DLGAP2: variants seen among roughly 807,000 people sequenced by gnomAD.
DLGAP2 encodes DLG associated protein 2, also known as disks large-associated protein 2.
In DLGAP2, 26 loss-of-function variants were observed where a neutral mutation model predicts 100.3. The ratio of observed to expected loss-of-function variants is 0.26; its 90% CI spans 0.19 to 0.36. The LOEUF (loss-of-function observed/expected upper bound fraction) is 0.36, where lower values mean the gene tolerates loss of function less well. Among genes scored for constraint, DLGAP2 ranks in the 10% least tolerant of loss-of-function variants. DLGAP2 has a pLI of 1.00. For synonymous variants in DLGAP2, 886 were observed against 630.1 expected, an observed-to-expected ratio of 1.41 and a Z score of -6.08; for missense variants, 1,858 against 1,453.2, an observed-to-expected ratio of 1.28 and a Z score of -4.53.
chr8:1,467,965 G>A (rs1798672081), intron 3 of DLGAP2, among the ~76,000 whole-genome samples: 1 of 152,220 alleles, frequency 6.6e-6, no homozygotes, highest in African/African-American at 2.4e-5. Context: ...TTTGAAAAGT[G>A]TTACCCAGCT....
chr8:1,387,753 AC>A (rs1796253109), intron 3 of DLGAP2, among the ~76,000 whole-genome samples: 1 of 152,164 alleles, frequency 6.6e-6, no homozygotes, highest in Non-Finnish European at 1.5e-5. Context: ...AGGAATGGCA[AC>A]CAGATTTTTC....
At chr8:1,647,411 C>A (rs1798064723) in intron 8 of DLGAP2, among the ~76,000 whole-genome samples, 1 of 142,596 alleles carries the variant, frequency 7.0e-6, no homozygotes, top group Non-Finnish European at 1.5e-5. Context: ...ATGGAGTGAA[C>A]CCGGGAGGCA....
At chr8:1,074,050 CTGT>C (rs1803521448) in intron 2 of DLGAP2, among the ~76,000 whole-genome samples, 2 of 141,058 alleles carry the variant, frequency 1.4e-5, no homozygotes, top group Non-Finnish European at 1.5e-5. Flanking sequence ...TCAGGATTCA[CTGT>C]CACAGAAGGG....
In DLGAP2 at chr8:1,182,722, A is replaced by C. The variant is rs1470482138; in HGVS notation, c.74-76129A>C. On this transcript the variant is annotated intron_variant, in intron 2 of 14. Transcript: ENST00000637795. Reference sequence around the variant, plus strand: ...CTGCCATCACGTCTGCGCTGCCCTGAGACACGGAGCTCCAGCACATTCTGC... The same window carrying C: ...CTGCCATCACGTCTGCGCTGCCCTGCGACACGGAGCTCCAGCACATTCTGC... 2.6e-5 allele frequency among the ~76,000 whole-genome samples: 4 copies of C among 152,146 alleles called. No individual in the cohort carries two copies. The East Asian group carries it at 7.7e-4, about 29-fold the overall frequency.
At chr8:946,506 G>C (rs751952867) in intron 2 of DLGAP2, among the ~76,000 whole-genome samples, 5 of 151,970 alleles carry the variant, frequency 3.3e-5, no homozygotes, top group Non-Finnish European at 7.4e-5. Flanking sequence ...CTTGTGATCT[G>C]CCCGCCTTGG....
chr8:1,678,673 C>T, intron 12 of DLGAP2, 44 bp downstream of exon 12: 1 of 1,444,600 alleles, frequency 6.9e-7, no homozygotes, highest in Non-Finnish European at 9.1e-7. Flanking sequence ...TATCATTTCT[C>T]AGTAATGCAA....
chr8:1,221,831 T>A (rs549402623), intron 2 of DLGAP2, among the ~76,000 whole-genome samples: 1 of 152,348 alleles, frequency 6.6e-6, no homozygotes, highest in African/African-American at 2.4e-5. Flanking sequence ...TGTGCCTGTA[T>A]TGAATTGAAG....
intron 8 of DLGAP2, among the ~76,000 whole-genome samples, chr8:1,659,493 C>G (rs1798361551): frequency 6.6e-6 from 1 of 152,170 alleles, no homozygotes; most frequent in African/African-American, 2.4e-5. Flanking sequence ...CTTTATAGGT[C>G]TCTAAGAACT....
intron 2 of DLGAP2, among the ~76,000 whole-genome samples, chr8:1,193,273 G>C (rs10098489): frequency 1.3e-5 from 2 of 152,180 alleles, no homozygotes; most frequent in East Asian, 3.9e-4. Context: ...GGTTGAACCA[G>C]TTTACTGTCC....
rs566259093 is a variant in DLGAP2, at chr8:1,552,910, G to T, written c.1230+3227G>T. ...AGGCCTCACGTTATTCTTTCACAAA[G>T]CTCTTGTTTTCATCTTTTCTGCATC... On this transcript the variant is annotated intron_variant, in intron 5 of 14. Transcript: ENST00000637795. Among the ~76,000 whole-genome samples the T allele has an allele frequency of 5.3e-5, 8 of 152,280 alleles. No homozygotes were observed. In the East Asian group the frequency reaches 1.4e-3, roughly 26 times the overall value.
intron 2 of DLGAP2, among the ~76,000 whole-genome samples, chr8:965,246 C>A (rs1425373832): frequency 1.4e-5 from 2 of 144,394 alleles, no homozygotes; most frequent in African/African-American, 5.3e-5. Context: ...CTGTTCACCT[C>A]ACACGGCTCC....
At chr8:1,373,113 G>T (rs150613350) in intron 3 of DLGAP2, among the ~76,000 whole-genome samples, 2 of 152,224 alleles carry the variant, frequency 1.3e-5, no homozygotes, top group Non-Finnish European at 2.9e-5. Flanking sequence ...CCGTGCCTGG[G>T]GGGGCGCCAG....
At chr8:1,017,453 G>A (rs543070415) in intron 2 of DLGAP2, among the ~76,000 whole-genome samples, 1 of 51,970 alleles carries the variant, frequency 1.9e-5, no homozygotes, top group Admixed American at 1.9e-4. Flanking sequence ...CAGGACAGAC[G>A]GTGCCTCCAC....
chr8:1,436,980 C>G (rs977480413), intron 3 of DLGAP2, among the ~76,000 whole-genome samples: 3 of 152,168 alleles, frequency 2.0e-5, no homozygotes, highest in Non-Finnish European at 2.9e-5. Flanking sequence ...AGCAGGAGGC[C>G]TATGCCGTTC....
intron 1 of DLGAP2, among the ~76,000 whole-genome samples, chr8:859,864 C>T (rs1045768250): frequency 6.6e-5 from 10 of 152,058 alleles, no homozygotes; most frequent in Admixed American, 1.3e-4. Context: ...AGACGGAAGA[C>T]GTGGCTGGGT....
intron 2 of DLGAP2, among the ~76,000 whole-genome samples, chr8:1,010,535 G>A (rs1001049964): frequency 6.6e-6 from 1 of 152,198 alleles, no homozygotes; most frequent in Non-Finnish European, 1.5e-5. Context: ...CACACATACA[G>A]AGTTCGGGCA....
chr8:1,204,284 C>G (rs372456982), intron 2 of DLGAP2, among the ~76,000 whole-genome samples: 1 of 152,220 alleles, frequency 6.6e-6, no homozygotes, highest in Non-Finnish European at 1.5e-5. Flanking sequence ...ATGAGACAAT[C>G]TCATCATCTT....
chr8:1,526,582 G>T (rs889387457), intron 4 of DLGAP2, among the ~76,000 whole-genome samples: 3 of 152,212 alleles, frequency 2.0e-5, no homozygotes, highest in Non-Finnish European at 4.4e-5. Flanking sequence ...TCCCGAGGAG[G>T]ACGGTGGTGA....
chr8:999,601 C>T (rs1162442253), intron 2 of DLGAP2, among the ~76,000 whole-genome samples: 2 of 151,798 alleles, frequency 1.3e-5, no homozygotes, highest in African/African-American at 4.8e-5. Context: ...GCCTCAGCCT[C>T]CTGAGTAGCT....
Sources: gnomAD v4.1 joint callset for allele counts (sites outside exome capture counted in the v4.1 genomes callset) on GRCh38, gnomAD v4.1.1 for gene constraint, MANE v1.5 for transcripts, NCBI Gene and HGNC (gene_info 2026-07-23, HGNC 2026-07-21) for gene names.